MACROD2: variants seen among roughly 807,000 people sequenced by gnomAD.
MACROD2 encodes the protein ADP-ribose glycohydrolase MACROD2.
A neutral mutation model predicts 70.4 loss-of-function variants in MACROD2; 36 were observed. That is an observed-to-expected ratio of 0.51 (90% CI 0.39 to 0.68). MACROD2 has a LOEUF of 0.68. Among genes scored for constraint, MACROD2 ranks in the 30% least tolerant of loss-of-function variants. The pLI is 0.00. For missense variants in MACROD2, 496 were observed against 538.4 expected (o/e 0.92, Z 0.78); for synonymous variants, 172 against 178.8 (o/e 0.96, Z 0.30).
At chr20:15,239,434 G>C (rs1240953711) in intron 6 of MACROD2, among the ~76,000 whole-genome samples, 4 of 151,930 alleles carry the variant, frequency 2.6e-5, no homozygotes, top group Non-Finnish European at 2.9e-5. Flanking sequence ...AGCTATTTTT[G>C]TTTGTTTATT....
chr20:14,802,095 C>A (rs1236107139), intron 5 of MACROD2, among the ~76,000 whole-genome samples: 2 of 151,972 alleles, frequency 1.3e-5, no homozygotes, highest in Non-Finnish European at 2.9e-5. Context: ...CATCTCGGCC[C>A]ATCATCAAAT....
Position 14,474,551 on chromosome 20 carries a change from A to G in MACROD2, c.272-18928A>G, listed in dbSNP as rs575704153. The stretch of plus-strand genomic sequence containing the variant: ...ATTTTCTGCTTGGATGGATCTGTCC[A>G]TCACTGAAAGTGGGGTATTAAAGTC... On this transcript the variant is annotated intron_variant, in intron 3 of 17. Transcript: ENST00000684519. 8.5e-4 allele frequency among the ~76,000 whole-genome samples: 130 copies of G among 152,258 alleles called. 1 individual carries two copies. Among genetic ancestry groups the G allele is most frequent in the African/African-American group, 3.0e-3 (123 of 41,558 alleles).
chr20:14,938,962 T>TTTTTTTTTTTTTTTTTTTTTTTTTTC, intron 5 of MACROD2, among the ~76,000 whole-genome samples: 1 of 147,036 alleles, frequency 6.8e-6, no homozygotes, highest in East Asian at 2.0e-4. Context: ...TTTTTTTTTT[T>TTTTTTTTTTTTTTTTTTTTTTTTTTC]ACTATTGAGT....
chr20:14,211,518 A>T (rs563271725), intron 3 of MACROD2, among the ~76,000 whole-genome samples: 1 of 152,206 alleles, frequency 6.6e-6, no homozygotes, highest in African/African-American at 2.4e-5. Flanking sequence ...GCTTTCATTT[A>T]TACCTCCAGA....
At chr20:15,659,161 G>A (rs142841009) in intron 8 of MACROD2, among the ~76,000 whole-genome samples, 4 of 152,184 alleles carry the variant, frequency 2.6e-5, no homozygotes, top group African/African-American at 9.6e-5. Context: ...GTTTTAAAAT[G>A]CAGCTGGTCT....
chr20:15,829,111 G>GAA (rs73619849), intron 8 of MACROD2, among the ~76,000 whole-genome samples: 9 of 148,226 alleles, frequency 6.1e-5, no homozygotes, highest in Admixed American at 6.7e-5. Flanking sequence ...ATTATTATCG[G>GAA]AAAAAAAAAA....
intron 5 of MACROD2, among the ~76,000 whole-genome samples, chr20:15,198,422 A>T (rs1299739917): frequency 2.0e-5 from 3 of 152,202 alleles, no homozygotes; most frequent in Admixed American, 1.3e-4. Context: ...AATAAAAAGC[A>T]AAAATTCGTC....
At chr20:14,312,839 T>A (rs944712816) in intron 3 of MACROD2, among the ~76,000 whole-genome samples, 1 of 152,218 alleles carries the variant, frequency 6.6e-6, no homozygotes, top group Admixed American at 6.5e-5. Flanking sequence ...GTAGAAGCAG[T>A]GTGGTTTGAA....
At chr20:14,820,457 GT>G (rs2072830814) in intron 5 of MACROD2, among the ~76,000 whole-genome samples, 2 of 142,780 alleles carry the variant, frequency 1.4e-5, no homozygotes, top group Admixed American at 1.5e-4. Flanking sequence ...TGCTGAACAT[GT>G]GGCTCAACTT....
chr20:15,749,319 A>G (rs887990321), intron 8 of MACROD2, among the ~76,000 whole-genome samples: 1 of 152,092 alleles, frequency 6.6e-6, no homozygotes. Context: ...AGGATTCTCA[A>G]TCACTTGCCA....
intron 7 of MACROD2, among the ~76,000 whole-genome samples, chr20:15,498,686 G>A (rs562540337): frequency 2.3e-3 from 346 of 152,306 alleles, no homozygotes; most frequent in African/African-American, 6.0e-3. Flanking sequence ...GGGAGTGACC[G>A]TTAATGGGTA....
chr20:14,922,274 A>G (rs1230005743), intron 5 of MACROD2, among the ~76,000 whole-genome samples: 1 of 152,030 alleles, frequency 6.6e-6, no homozygotes, highest in Admixed American at 6.5e-5. Flanking sequence ...CTGTCTTTAG[A>G]TGTATAGTTT....
chr20:15,129,525 C>T (rs2076090013), intron 5 of MACROD2, among the ~76,000 whole-genome samples: 1 of 152,092 alleles, frequency 6.6e-6, no homozygotes, highest in Non-Finnish European at 1.5e-5. Context: ...TTTAAATGCA[C>T]TGAAGAATAG....
chr20:15,705,168 C>T (rs887688504), intron 8 of MACROD2, among the ~76,000 whole-genome samples: 9 of 151,854 alleles, frequency 5.9e-5, no homozygotes, highest in African/African-American at 2.2e-4. Context: ...AATACAATTC[C>T]TCATAAAAAA....
At chr20:15,750,381 G>A (rs1370562635) in intron 8 of MACROD2, among the ~76,000 whole-genome samples, 2 of 151,884 alleles carry the variant, frequency 1.3e-5, no homozygotes, top group Non-Finnish European at 2.9e-5. Context: ...TAGAGAAAAG[G>A]GAACACTTAC....
chr20:15,895,437 A>G (rs960342785), intron 10 of MACROD2, among the ~76,000 whole-genome samples: 2 of 152,242 alleles, frequency 1.3e-5, no homozygotes, highest in East Asian at 3.8e-4. Flanking sequence ...GACAAATAAA[A>G]AGTAAAGATA....
chr20:14,668,973 G>A (rs2070766086), intron 4 of MACROD2, among the ~76,000 whole-genome samples: 1 of 152,014 alleles, frequency 6.6e-6, no homozygotes, highest in Non-Finnish European at 1.5e-5. Context: ...CTAAAACTTA[G>A]TCTTTATTAA....
chr20:15,655,552 A>G (rs1261645288), intron 8 of MACROD2, among the ~76,000 whole-genome samples: 2 of 152,196 alleles, frequency 1.3e-5, no homozygotes, highest in African/African-American at 4.8e-5. Context: ...TGAAAGAAGT[A>G]ATTCACAGCC....
At chr20:14,180,020 A>T (rs1174656096) in intron 3 of MACROD2, among the ~76,000 whole-genome samples, 1 of 152,170 alleles carries the variant, frequency 6.6e-6, no homozygotes, top group Non-Finnish European at 1.5e-5. Flanking sequence ...ACCACTTTCC[A>T]TCTCCAGAAC....
Sources: gnomAD v4.1 joint callset for allele counts (sites outside exome capture counted in the v4.1 genomes callset) on GRCh38, gnomAD v4.1.1 for gene constraint, MANE v1.5 for transcripts, NCBI Gene and HGNC (gene_info 2026-07-23, HGNC 2026-07-21) for gene names.